The following GRIK1 variants were observed in gnomAD, a reference collection of about 807,000 sequenced individuals.
GRIK1 encodes the protein glutamate ionotropic receptor kainate type subunit 1.
In GRIK1, 69 loss-of-function variants were observed where a neutral mutation model predicts 105.7. The observed-to-expected ratio is 0.65, with a 90% CI of 0.54 to 0.80. GRIK1 has a LOEUF of 0.80. Ranked by LOEUF, GRIK1 falls within the 30% of genes least tolerant of loss-of-function variation. The pLI is 0.00. For synonymous variants in GRIK1, 438 were observed against 431.3 expected (o/e 1.02, Z -0.19); for missense variants, 1,109 against 1,167.3 (o/e 0.95, Z 0.73).
chr21:29,633,224 T>A (rs1216567545), intron 7 of GRIK1, among the ~76,000 whole-genome samples: 1 of 151,086 alleles, frequency 6.6e-6, no homozygotes, highest in African/African-American at 2.5e-5. Flanking sequence ...AATTTCTGGC[T>A]GGGCACGTGG....
intron 1 of GRIK1, among the ~76,000 whole-genome samples, chr21:29,733,207 C>T (rs1481329166): frequency 1.3e-5 from 2 of 152,016 alleles, no homozygotes; most frequent in Non-Finnish European, 2.9e-5. Flanking sequence ...ATTCTAAATA[C>T]CAACATAGGA....
rs567008464 is a variant in GRIK1, at chr21:29,791,202, T to A, written c.119-97139A>T. ...GCCCATGGGACTTCGCAAGATGTGG[T>A]AAGGGACGAGAAATTTATCCTCAGT... On this transcript the variant is annotated intron_variant, in intron 1 of 17. Coordinates refer to ENST00000327783, the MANE Select transcript of GRIK1 (RefSeq NM_001330994.2). Among the ~76,000 whole-genome samples the A allele has an allele frequency of 2.0e-5, 3 of 151,992 alleles. No homozygotes were observed. The East Asian group carries it at 5.8e-4, about 29-fold the overall frequency.
At chr21:29,737,584 C>T (rs933958685) in intron 1 of GRIK1, among the ~76,000 whole-genome samples, 2 of 152,240 alleles carry the variant, frequency 1.3e-5, no homozygotes, top group Admixed American at 1.3e-4. Flanking sequence ...TTGGGAATAA[C>T]TAATGTTTTA....
intron 7 of GRIK1, among the ~76,000 whole-genome samples, chr21:29,608,324 A>C (rs115353566): frequency 0.015 from 2,292 of 152,282 alleles, 27 homozygotes; most frequent in Middle Eastern, 0.044. Context: ...AGTATAGTGA[A>C]TGGCAAAGCA....
At chr21:29,855,162 G>T (rs1321908608) in intron 1 of GRIK1, among the ~76,000 whole-genome samples, 1 of 152,156 alleles carries the variant, frequency 6.6e-6, no homozygotes, top group African/African-American at 2.4e-5. Context: ...AACCCTGTGA[G>T]ATATCACTCA....
Position 29,739,324 on chromosome 21 carries a change from G to T in GRIK1, c.119-45261C>A, listed in dbSNP as rs536069864. Reference sequence around the variant, plus strand: ...GGAGAGGAAACGGAATAAGGGAGGGGGAGAGACCAAGGATAGTTCCCATAA... The same window carrying T: ...GGAGAGGAAACGGAATAAGGGAGGGTGAGAGACCAAGGATAGTTCCCATAA... On this transcript the variant is annotated intron_variant, in intron 1 of 17. Coordinates refer to ENST00000327783, the MANE Select transcript of GRIK1 (RefSeq NM_001330994.2). 8.5e-5 allele frequency among the ~76,000 whole-genome samples: 13 copies of T among 152,234 alleles called. No individual in the cohort carries two copies. The East Asian group carries it at 2.5e-3, about 29-fold the overall frequency.
At chr21:29,844,033 A>C (rs975007051) in intron 1 of GRIK1, among the ~76,000 whole-genome samples, 4 of 152,156 alleles carry the variant, frequency 2.6e-5, no homozygotes, top group African/African-American at 9.7e-5. Context: ...TGACAGCGTG[A>C]GTTGTACTCA....
At chr21:29,666,846 A>T (rs1250627495) in intron 4 of GRIK1, among the ~76,000 whole-genome samples, 1 of 152,272 alleles carries the variant, frequency 6.6e-6, no homozygotes, top group Non-Finnish European at 1.5e-5. Flanking sequence ...TGTACACAAC[A>T]GTAGCAGAAG....
chr21:29,669,157 A>G (rs2063117614), intron 4 of GRIK1, among the ~76,000 whole-genome samples: 1 of 152,348 alleles, frequency 6.6e-6, no homozygotes, highest in East Asian at 1.9e-4. Flanking sequence ...GTTCAATATG[A>G]ATAGAAATAA....
rs2061833629 is a variant in GRIK1 at position 29,615,665 on chromosome 21, C to G, written c.1099-16728G>C. Among the ~76,000 whole-genome samples, 4 of 152,206 alleles carry G rather than the reference C, an allele frequency of 2.6e-5. No individual in the cohort carries two copies. In the South Asian group the frequency reaches 8.3e-4, roughly 31 times the overall value. ...ATGATACTTAATATAGCTAATTAAG[C>G]TGAATTCCGAAGATCTTCCAAGATA... On this transcript the variant is annotated intron_variant, in intron 7 of 17. Transcript: ENST00000327783.
chr21:29,736,421 G>T (rs2064793117), intron 1 of GRIK1, among the ~76,000 whole-genome samples: 1 of 151,958 alleles, frequency 6.6e-6, no homozygotes, highest in African/African-American at 2.4e-5. Context: ...TAGAGACAAG[G>T]TGTCACTGTG....
intron 7 of GRIK1, among the ~76,000 whole-genome samples, chr21:29,612,703 A>T (rs1042499617): frequency 6.6e-6 from 1 of 152,226 alleles, no homozygotes; most frequent in Non-Finnish European, 1.5e-5. Flanking sequence ...AGATTGAGAT[A>T]AAACAGGATA....
intron 1 of GRIK1, among the ~76,000 whole-genome samples, chr21:29,938,708 G>A (rs984027202): frequency 6.6e-6 from 1 of 152,160 alleles, no homozygotes; most frequent in Admixed American, 6.5e-5. Flanking sequence ...GCAAATTAGG[G>A]AGCAAGTGGG....
At chr21:29,670,174 C>G (rs1317558534) in intron 4 of GRIK1, among the ~76,000 whole-genome samples, 1 of 152,164 alleles carries the variant, frequency 6.6e-6, no homozygotes, top group Non-Finnish European at 1.5e-5. Flanking sequence ...GATTATTAGT[C>G]TAGAACGAAA....
At chr21:29,703,074 T>C (rs995030861) in intron 1 of GRIK1, among the ~76,000 whole-genome samples, 2 of 152,262 alleles carry the variant, frequency 1.3e-5, no homozygotes, top group Non-Finnish European at 2.9e-5. Context: ...AATAGCAATT[T>C]TTAACTCTCT....
chr21:29,801,159 G>A (rs923888615), intron 1 of GRIK1, among the ~76,000 whole-genome samples: 2 of 151,858 alleles, frequency 1.3e-5, no homozygotes, highest in Non-Finnish European at 2.9e-5. Context: ...GTGACTCTTT[G>A]GAATGCTTTT....
At chr21:29,750,091 A>G (rs961060554) in intron 1 of GRIK1, among the ~76,000 whole-genome samples, 4 of 152,180 alleles carry the variant, frequency 2.6e-5, no homozygotes, top group African/African-American at 7.2e-5. Context: ...CATTTCATAT[A>G]CAATGAGGAA....
chr21:29,801,442 TC>T (rs937739285), intron 1 of GRIK1, among the ~76,000 whole-genome samples: 3 of 152,094 alleles, frequency 2.0e-5, no homozygotes, highest in African/African-American at 7.2e-5. Context: ...AATTCAGACT[TC>T]ACTAATTTGC....
chr21:29,787,989 G>T (rs1178512271), intron 1 of GRIK1, among the ~76,000 whole-genome samples: 1 of 152,124 alleles, frequency 6.6e-6, no homozygotes, highest in Non-Finnish European at 1.5e-5. Context: ...TTCTCAATTT[G>T]AGACAATATA....
Sources: allele counts gnomAD v4.1 joint callset (sites outside exome capture counted in the v4.1 genomes callset), GRCh38; gene constraint gnomAD v4.1.1; transcripts MANE v1.5; gene names NCBI Gene and HGNC (gene_info 2026-07-23, HGNC 2026-07-21).